The following EPM2A variants were observed in gnomAD, a reference collection of about 807,000 sequenced individuals.
EPM2A encodes the protein EPM2A glucan phosphatase, laforin, also known as laforin.
Under a neutral mutation model 26.5 loss-of-function variants are expected in EPM2A, and 21 were observed. The observed-to-expected ratio is 0.79, with a 90% CI of 0.56 to 1.14. The LOEUF is 1.14. Ranked by LOEUF, EPM2A falls within the 50% of genes most tolerant of loss-of-function variation. The probability of loss-of-function intolerance (pLI) is 0.00; values close to 1 mark genes in which losing one functional copy is unlikely to be tolerated. For synonymous variants in EPM2A, 217 were observed against 177.6 expected, an observed-to-expected ratio of 1.22 and a Z score of -1.76; for missense variants, 458 against 440.8, an observed-to-expected ratio of 1.04 and a Z score of -0.35.
intron 4 of EPM2A, among the ~76,000 whole-genome samples, chr6:145,488,516 T>TGACAGAGA (rs1216389057): frequency 8.3e-5 from 11 of 131,748 alleles, no homozygotes; most frequent in African/African-American, 3.7e-4. Flanking sequence ...TGTGTGTGTG[T>TGACAGAGA]GTGTGTGAGA....
At chr6:145,662,057 A>G (rs1778754262) in intron 2 of EPM2A, among the ~76,000 whole-genome samples, 1 of 152,186 alleles carries the variant, frequency 6.6e-6, no homozygotes, top group Non-Finnish European at 1.5e-5. Flanking sequence ...CTTGGAAAGG[A>G]AATGGGTTTT....
At chr6:145,551,434 T>C (rs1181851993) in intron 2 of EPM2A, among the ~76,000 whole-genome samples, 1 of 151,982 alleles carries the variant, frequency 6.6e-6, no homozygotes, top group Non-Finnish European at 1.5e-5. Flanking sequence ...GAAAGCCTAG[T>C]AAAAGGTTCC....
intron 2 of EPM2A, among the ~76,000 whole-genome samples, chr6:145,599,962 GT>G (rs1205689320): frequency 6.6e-6 from 1 of 151,926 alleles, no homozygotes; most frequent in African/African-American, 2.4e-5. Context: ...GCAAATAATA[GT>G]TTATGTTATA....
intron 4 of EPM2A, among the ~76,000 whole-genome samples, chr6:145,402,577 T>G (rs1340031839): frequency 6.6e-6 from 1 of 152,128 alleles, no homozygotes; most frequent in Non-Finnish European, 1.5e-5. Context: ...TCTGATTAAG[T>G]GAGAAGATAT....
intron 4 of EPM2A, among the ~76,000 whole-genome samples, chr6:145,412,619 G>T (rs1347140046): frequency 1.3e-5 from 2 of 152,084 alleles, no homozygotes; most frequent in Non-Finnish European, 2.9e-5. Context: ...CTAAAGTATG[G>T]GGATCTTTTC....
intron 2 of EPM2A, among the ~76,000 whole-genome samples, chr6:145,614,900 G>C (rs190305144): frequency 1.6e-4 from 24 of 152,318 alleles, no homozygotes; most frequent in African/African-American, 5.8e-4. Flanking sequence ...AATGTCTCCA[G>C]TGGATTTTAT....
intron 4 of EPM2A, among the ~76,000 whole-genome samples, chr6:145,486,813 C>T (rs1161393075): frequency 6.6e-6 from 1 of 152,110 alleles, no homozygotes; most frequent in Non-Finnish European, 1.5e-5. Flanking sequence ...TACTATTACA[C>T]ATTACATATG....
At chr6:145,521,054 GC>G (rs1267408971) in intron 2 of EPM2A, among the ~76,000 whole-genome samples, 5 of 152,200 alleles carry the variant, frequency 3.3e-5, no homozygotes, top group Non-Finnish European at 5.9e-5. Flanking sequence ...AGGAGAGATT[GC>G]AGCAGCAATG....
At chr6:145,635,780 G>C in intron 2 of EPM2A, 1 of 350,258 alleles carries the variant, frequency 2.9e-6, no homozygotes. Flanking sequence ...TTCCATGAAT[G>C]CATATATGGT....
At position 145,635,249 on chromosome 6, in the gene EPM2A, G is replaced by C. The variant is rs762653955; in HGVS notation, c.714C>G (p.Thr238=). The change falls in exon 3 of 4, where the codon ACC becomes ACG. Residue 238 remains threonine (T), a synonymous_variant. Transcript: ENST00000367519. ...CAGAACAGTTCTGATCCTTACCTTC[G>C]GTGCTCATATCTGGTGTTGGCATCC... The part of the protein sequence containing the change: ...YIWMPTPDMS[T]EGRVQMLPQA... The C allele has an allele frequency of 6.2e-7, 1 of 1,614,116 alleles. No homozygotes were observed. Among genetic ancestry groups the C allele is most frequent in the East Asian group, 2.2e-5 (1 of 44,884 alleles).
rs1307035157 is a variant in EPM2A at position 145,625,555 on chromosome 6, A to G, written c.*1861T>C. On this transcript the variant is annotated 3_prime_UTR_variant, in exon 4 of 4. Coordinates refer to ENST00000367519, the MANE Select transcript of EPM2A (RefSeq NM_005670.4). ...CAGACCCACATAGTTTAAAAATTTA[A>G]TTTTTAAGATTAAATTTTCACAACA... The G allele has an allele frequency of 7.8e-5, 49 of 626,240 alleles. No homozygotes were observed. In the South Asian group the frequency reaches 8.9e-4, roughly 11 times the overall value. The allele number at this position is 626,240 out of a possible 1,614,324, so 38.8% of individuals were successfully genotyped here.
At chr6:145,505,668 T>A (rs1779962537) in intron 2 of EPM2A, among the ~76,000 whole-genome samples, 1 of 152,194 alleles carries the variant, frequency 6.6e-6, no homozygotes, top group African/African-American at 2.4e-5. Flanking sequence ...GTTGTATATC[T>A]GTATCAAGCT....
chr6:145,468,200 G>T (rs539654191), intron 4 of EPM2A, among the ~76,000 whole-genome samples: 4 of 152,014 alleles, frequency 2.6e-5, no homozygotes, highest in Admixed American at 6.6e-5. Context: ...ATGTCCCAGG[G>T]TTTCGAATTT....
At chr6:145,692,531 A>G (rs965666201) in intron 1 of EPM2A, among the ~76,000 whole-genome samples, 2 of 152,020 alleles carry the variant, frequency 1.3e-5, no homozygotes, top group African/African-American at 4.8e-5. Flanking sequence ...TGAACTAGAA[A>G]TCAATAATAA....
At chr6:145,561,153 CT>C (rs11326955) in intron 2 of EPM2A, among the ~76,000 whole-genome samples, 51,155 of 141,452 alleles carry the variant, frequency 0.36, 9,272 homozygotes, top group South Asian at 0.51. Flanking sequence ...TCTTTTATAC[CT>C]TTTTTTTTTT....
At chr6:145,678,384 G>C (rs1446977461) in intron 2 of EPM2A, among the ~76,000 whole-genome samples, 2 of 152,148 alleles carry the variant, frequency 1.3e-5, no homozygotes, top group Non-Finnish European at 2.9e-5. Flanking sequence ...GGCAACAAAA[G>C]CCAAAATTGA....
chr6:145,625,299 GA>G (rs937562344), downstream of EPM2A: 1 of 169,870 alleles, frequency 5.9e-6, no homozygotes, highest in African/African-American at 2.4e-5. Context: ...ATCCTGTACA[GA>G]AAGGTCTTTT....
intron 1 of EPM2A, among the ~76,000 whole-genome samples, chr6:145,694,590 G>A (rs1168977380): frequency 6.6e-6 from 1 of 151,860 alleles, no homozygotes; most frequent in Non-Finnish European, 1.5e-5. Flanking sequence ...TGAAGTAAGA[G>A]GTGTTAAGAT....
At chr6:145,733,943 T>C (rs763675592) in intron 1 of EPM2A, among the ~76,000 whole-genome samples, 3 of 152,192 alleles carry the variant, frequency 2.0e-5, no homozygotes, top group Non-Finnish European at 4.4e-5. Context: ...TCTACAACCT[T>C]GCACATTTCC....
Sources: allele counts gnomAD v4.1 joint callset (sites outside exome capture counted in the v4.1 genomes callset), GRCh38; gene constraint gnomAD v4.1.1; transcripts MANE v1.5; gene names NCBI Gene and HGNC (gene_info 2026-07-23, HGNC 2026-07-21).